FILIP1: variants seen among roughly 807,000 people sequenced by gnomAD.
FILIP1 encodes filamin A interacting protein 1.
Under a neutral mutation model 102.1 loss-of-function variants are expected in FILIP1, and 61 were observed. That is an observed-to-expected ratio of 0.60 (90% CI 0.49 to 0.74). The LOEUF (loss-of-function observed/expected upper bound fraction) is 0.74, where lower values mean the gene tolerates loss of function less well. Ranked by LOEUF, FILIP1 falls within the 30% of genes least tolerant of loss-of-function variation. The pLI, the probability that FILIP1 is intolerant of heterozygous loss-of-function variation, is 0.00. For synonymous variants in FILIP1, 491 were observed against 526.9 expected, an observed-to-expected ratio of 0.93 and a Z score of 0.93; for missense variants, 1,314 against 1,441.2, an observed-to-expected ratio of 0.91 and a Z score of 1.43.
chr6:75,445,256 C>G (rs992194375), intron 1 of FILIP1, among the ~76,000 whole-genome samples: 1 of 152,150 alleles, frequency 6.6e-6, no homozygotes, highest in Non-Finnish European at 1.5e-5. Context: ...ATTCTTTGAG[C>G]TATTCCCCAA....
At chr6:75,427,472 G>C (rs1171919227) in intron 1 of FILIP1, among the ~76,000 whole-genome samples, 2 of 152,086 alleles carry the variant, frequency 1.3e-5, no homozygotes, top group African/African-American at 4.8e-5. Flanking sequence ...AGAAAAGCAA[G>C]AAGACTCATA....
At chr6:75,489,484 T>C (rs1779894094) in intron 1 of FILIP1, among the ~76,000 whole-genome samples, 1 of 152,080 alleles carries the variant, frequency 6.6e-6, no homozygotes, top group South Asian at 2.1e-4. Flanking sequence ...CAAATAACTA[T>C]ATTTAAGGTG....
At chr6:75,474,096 C>T (rs183287410) in intron 1 of FILIP1, among the ~76,000 whole-genome samples, 566 of 152,222 alleles carry the variant, frequency 3.7e-3, no homozygotes, top group Non-Finnish European at 5.4e-3. Flanking sequence ...TTTAAAATCA[C>T]ACATTTATAT....
At chr6:75,376,781 C>T (rs530071445) in intron 2 of FILIP1, among the ~76,000 whole-genome samples, 1 of 152,246 alleles carries the variant, frequency 6.6e-6, no homozygotes, top group Admixed American at 6.5e-5. Context: ...GATTCCTGTG[C>T]CATGAACCTA....
intron 1 of FILIP1, among the ~76,000 whole-genome samples, chr6:75,449,115 T>C (rs951692736): frequency 5.9e-5 from 9 of 152,156 alleles, no homozygotes; most frequent in African/African-American, 2.2e-4. Context: ...AAAGAAATTG[T>C]GGTATATATG....
At chr6:75,478,944 G>C (rs992703024) in intron 1 of FILIP1, among the ~76,000 whole-genome samples, 5 of 152,034 alleles carry the variant, frequency 3.3e-5, no homozygotes, top group African/African-American at 7.2e-5. Context: ...CTTGCTCCTT[G>C]GTCCCTCACC....
chr6:75,487,616 T>C (rs1001736432), intron 1 of FILIP1, among the ~76,000 whole-genome samples: 1 of 152,068 alleles, frequency 6.6e-6, no homozygotes, highest in African/African-American at 2.4e-5. Context: ...AAGGGCAAGT[T>C]GGCAGTAACT....
chr6:75,468,867 C>T (rs940662487), intron 1 of FILIP1, among the ~76,000 whole-genome samples: 2 of 151,862 alleles, frequency 1.3e-5, no homozygotes, highest in Non-Finnish European at 2.9e-5. Flanking sequence ...ATCTCTGATA[C>T]AATTTTCTTG....
chr6:75,360,468 A>G (rs1031841527), intron 3 of FILIP1, among the ~76,000 whole-genome samples: 8 of 152,190 alleles, frequency 5.3e-5, no homozygotes, highest in African/African-American at 1.9e-4. Context: ...ACTAAAGGAG[A>G]AAACAAAAAC....
chr6:75,316,043 C>A (rs1162394344), intron 4 of FILIP1, among the ~76,000 whole-genome samples: 1 of 152,022 alleles, frequency 6.6e-6, no homozygotes, highest in African/African-American at 2.4e-5. Flanking sequence ...AACTAGATAG[C>A]AAGAAAATCT....
chr6:75,440,909 G>C (rs989490987), intron 1 of FILIP1, among the ~76,000 whole-genome samples: 1 of 148,302 alleles, frequency 6.7e-6, no homozygotes, highest in Non-Finnish European at 1.5e-5. Flanking sequence ...AGATCGTGCC[G>C]TTGCACTCCA....
intron 1 of FILIP1, chr6:75,454,934 C>T (rs1435674669): frequency 6.6e-6 from 1 of 152,106 alleles, no homozygotes; most frequent in Non-Finnish European, 1.5e-5. Flanking sequence ...CCGTGCATTA[C>T]CTCATAACAC....
chr6:75,460,704 G>A (rs760638100), intron 1 of FILIP1, among the ~76,000 whole-genome samples: 1 of 152,084 alleles, frequency 6.6e-6, no homozygotes, highest in African/African-American at 2.4e-5. Context: ...ATTCCAATGT[G>A]AGCCTTAGTC....
chr6:75,356,502 C>A (rs1775005813), intron 3 of FILIP1, among the ~76,000 whole-genome samples: 2 of 147,618 alleles, frequency 1.4e-5, no homozygotes, highest in Admixed American at 1.4e-4. Flanking sequence ...AAGTTTTGCT[C>A]TTGTTGCACA....
intron 1 of FILIP1, among the ~76,000 whole-genome samples, chr6:75,490,183 G>A (rs759145158): frequency 6.6e-6 from 1 of 151,990 alleles, no homozygotes; most frequent in Non-Finnish European, 1.5e-5. Flanking sequence ...CAAGGAAACC[G>A]GTGCTTAATG....
chr6:75,302,908 A>G (rs1772881826), intron 6 of FILIP1, among the ~76,000 whole-genome samples: 1 of 152,214 alleles, frequency 6.6e-6, no homozygotes, highest in Admixed American at 6.5e-5. Context: ...CAAGAATGAA[A>G]AATGAATCCT....
intron 1 of FILIP1, among the ~76,000 whole-genome samples, chr6:75,449,709 A>C (rs1778558119): frequency 7.0e-6 from 1 of 142,778 alleles, no homozygotes; most frequent in Non-Finnish European, 1.6e-5. Context: ...AAAACTAATG[A>C]TATTTATTTG....
intron 4 of FILIP1, chr6:75,319,698 C>G: frequency 3.0e-6 from 1 of 333,584 alleles, no homozygotes; most frequent in Non-Finnish European, 5.7e-6. Context: ...GGCGTAGCGG[C>G]GGGCGCCTGT....
At chr6:75,481,745 C>T (rs1301060875) in intron 1 of FILIP1, among the ~76,000 whole-genome samples, 1 of 152,104 alleles carries the variant, frequency 6.6e-6, no homozygotes, top group African/African-American at 2.4e-5. Context: ...CTGATTGAGC[C>T]CCAGGACACA....
Sources: gnomAD v4.1 joint callset for allele counts (sites outside exome capture counted in the v4.1 genomes callset) on GRCh38, gnomAD v4.1.1 for gene constraint, MANE v1.5 for transcripts, NCBI Gene and HGNC (gene_info 2026-07-23, HGNC 2026-07-21) for gene names.